The following LIN28B variants were observed in gnomAD, a reference collection of about 807,000 sequenced individuals.
LIN28B encodes the protein protein lin-28 homolog B.
In LIN28B, 5 loss-of-function variants were observed where a neutral mutation model predicts 21.9. That is an observed-to-expected ratio of 0.23 (90% CI 0.12 to 0.48). The LOEUF (loss-of-function observed/expected upper bound fraction) is 0.48. Among genes scored for constraint, LIN28B ranks in the 20% least tolerant of loss-of-function variants. The pLI is 0.98. For missense variants in LIN28B, 245 were observed against 310.5 expected (o/e 0.79, Z 1.58); for synonymous variants, 109 against 111.3 (o/e 0.98, Z 0.13).
Position 105,082,916 on chromosome 6 carries a change from C to G in LIN28B, c.*4133C>G, listed in dbSNP as rs1399370349. 6.6e-6 allele frequency: 1 copy of G among 152,658 alleles called. No homozygotes were observed. Among genetic ancestry groups the G allele is most frequent in the African/African-American group, 2.4e-5 (1 of 41,460 alleles). The allele number at this position is 152,658 out of a possible 1,614,324, so 9.5% of individuals were successfully genotyped here. ...ATCTATCAACCACTGGCACCTACCACCAAGCTGGCTTCAATTAGTATGTGT... is the reference window on the plus strand; with the variant it reads ...ATCTATCAACCACTGGCACCTACCAGCAAGCTGGCTTCAATTAGTATGTGT... On this transcript the variant is annotated 3_prime_UTR_variant, in exon 4 of 4. Coordinates refer to ENST00000345080, the MANE Select transcript of LIN28B (RefSeq NM_001004317.4).
chr6:105,016,257 ATACTC>A (rs1056928744), intron 2 of LIN28B, among the ~76,000 whole-genome samples: 14 of 152,092 alleles, frequency 9.2e-5, no homozygotes, highest in Admixed American at 7.2e-4. Context: ...TAAAAACAAA[ATACTC>A]TATCATAAAA....
chr6:104,987,497 C>T (rs904961002), intron 2 of LIN28B, among the ~76,000 whole-genome samples: 3 of 152,102 alleles, frequency 2.0e-5, no homozygotes, highest in African/African-American at 7.2e-5. Flanking sequence ...GCTCACACCG[C>T]TATGCCCAGC....
At chr6:105,047,564 C>A (rs561495194) in intron 3 of LIN28B, among the ~76,000 whole-genome samples, 3 of 151,974 alleles carry the variant, frequency 2.0e-5, no homozygotes, top group African/African-American at 7.3e-5. Flanking sequence ...GAAAGTCATT[C>A]GTAGCTTGAT....
intron 2 of LIN28B, among the ~76,000 whole-genome samples, chr6:105,013,889 G>A (rs981397854): frequency 6.6e-6 from 1 of 152,064 alleles, no homozygotes; most frequent in Non-Finnish European, 1.5e-5. Context: ...TTTAATGTCT[G>A]TGGGATTGGT....
chr6:105,043,341 C>CAAAAAAAAAAAAAAAAAAAAAAAAAA (rs57532096), intron 3 of LIN28B, among the ~76,000 whole-genome samples: 3 of 75,384 alleles, frequency 4.0e-5, no homozygotes, highest in Admixed American at 1.6e-4. Flanking sequence ...GACTCTGTCT[C>CAAAAAAAAAAAAAAAAAAAAAAAAAA]AAAAAAAAAA....
At chr6:105,051,918 C>T (rs1432686662) in intron 3 of LIN28B, among the ~76,000 whole-genome samples, 6 of 152,046 alleles carry the variant, frequency 3.9e-5, no homozygotes, top group African/African-American at 9.7e-5. Context: ...TATAATGTGA[C>T]GTCAGGTAGT....
intron 2 of LIN28B, among the ~76,000 whole-genome samples, chr6:104,937,355 T>C (rs1053570271): frequency 8.5e-5 from 13 of 152,084 alleles, no homozygotes; most frequent in African/African-American, 3.1e-4. Flanking sequence ...AGGGCCGCAG[T>C]CTCGGCTCGC....
chr6:104,996,951 T>G (rs1246254573), intron 2 of LIN28B, among the ~76,000 whole-genome samples: 1 of 152,118 alleles, frequency 6.6e-6, no homozygotes, highest in Non-Finnish European at 1.5e-5. Context: ...GCTATTGCAC[T>G]CCAGCCTGGG....
intron 3 of LIN28B, among the ~76,000 whole-genome samples, chr6:105,065,172 A>G (rs745846271): frequency 6.6e-6 from 1 of 152,184 alleles, no homozygotes; most frequent in Non-Finnish European, 1.5e-5. Flanking sequence ...GGGATCAGTG[A>G]TCAGAGAAAA....
upstream of LIN28B, among the ~76,000 whole-genome samples, chr6:104,956,111 C>T (rs572292694): frequency 1.3e-5 from 2 of 151,886 alleles, no homozygotes; most frequent in South Asian, 2.1e-4. Flanking sequence ...CTTTTTTCTC[C>T]CACTTGTCCT....
intron 2 of LIN28B, among the ~76,000 whole-genome samples, chr6:105,010,702 A>G (rs1305245877): frequency 6.6e-6 from 1 of 152,238 alleles, no homozygotes; most frequent in African/African-American, 2.4e-5. Context: ...ATCATTAACT[A>G]GAGTTCACTA....
At chr6:105,050,891 G>T (rs1485565338) in intron 3 of LIN28B, among the ~76,000 whole-genome samples, 2 of 151,300 alleles carry the variant, frequency 1.3e-5, no homozygotes, top group Non-Finnish European at 2.9e-5. Flanking sequence ...TATAAAATAT[G>T]TAAGACTGTG....
chr6:105,068,860 C>A (rs1772271634), intron 3 of LIN28B, among the ~76,000 whole-genome samples: 1 of 152,144 alleles, frequency 6.6e-6, no homozygotes, highest in African/African-American at 2.4e-5. Context: ...CATACTTAAT[C>A]ATTTTTATAA....
chr6:104,974,150 TAGAA>T (rs1317264259), intron 2 of LIN28B, among the ~76,000 whole-genome samples: 2 of 152,164 alleles, frequency 1.3e-5, no homozygotes, highest in African/African-American at 2.4e-5. Context: ...TTTACTTCCT[TAGAA>T]AGACTGTTTG....
At chr6:104,989,744 A>G (rs967723329) in intron 2 of LIN28B, among the ~76,000 whole-genome samples, 4 of 151,346 alleles carry the variant, frequency 2.6e-5, no homozygotes, top group African/African-American at 9.7e-5. Flanking sequence ...GCCCTGCGCC[A>G]CCATGTCTGG....
intron 2 of LIN28B, among the ~76,000 whole-genome samples, chr6:104,997,548 C>A (rs9391259): frequency 6.6e-6 from 1 of 151,610 alleles, no homozygotes; most frequent in Non-Finnish European, 1.5e-5. Flanking sequence ...CACCCGCCCC[C>A]CCCCGCCACA....
At chr6:104,959,245 TAA>T (rs1769664392) in intron 2 of LIN28B, among the ~76,000 whole-genome samples, 1 of 152,130 alleles carries the variant, frequency 6.6e-6, no homozygotes, top group Non-Finnish European at 1.5e-5. Flanking sequence ...TAGTTAGAAA[TAA>T]AGAGGTTTAC....
intron 2 of LIN28B, among the ~76,000 whole-genome samples, chr6:104,999,512 A>G (rs149220105): frequency 1.3e-5 from 2 of 152,360 alleles, no homozygotes; most frequent in African/African-American, 4.8e-5. Context: ...AAGCATGTAA[A>G]TTAGAATGGA....
At chr6:104,982,207 G>A (rs942870753) in intron 2 of LIN28B, among the ~76,000 whole-genome samples, 4 of 151,870 alleles carry the variant, frequency 2.6e-5, no homozygotes, top group Non-Finnish European at 4.4e-5. Flanking sequence ...CCAGCTACTC[G>A]GGAAGCTAAG....
Sources: allele counts gnomAD v4.1 joint callset (sites outside exome capture counted in the v4.1 genomes callset), GRCh38; gene constraint gnomAD v4.1.1; transcripts MANE v1.5; gene names NCBI Gene and HGNC (gene_info 2026-07-23, HGNC 2026-07-21).